The following TMEM117 variants were observed in gnomAD, a reference collection of about 807,000 sequenced individuals.
The protein encoded by TMEM117 is transmembrane protein 117.
TMEM117 carries 27 observed loss-of-function variants against 52.4 expected under a neutral mutation model. That is an observed-to-expected ratio of 0.51 (90% CI 0.38 to 0.71). The LOEUF (loss-of-function observed/expected upper bound fraction) is 0.71, where lower values mean the gene tolerates loss of function less well. Among genes scored for constraint, TMEM117 ranks in the 30% least tolerant of loss-of-function variants. The pLI, the probability that TMEM117 is intolerant of heterozygous loss-of-function variation, is 0.00. For missense variants in TMEM117, 556 were observed against 630.5 expected, an observed-to-expected ratio of 0.88 and a Z score of 1.26; for synonymous variants, 215 against 206.3, an observed-to-expected ratio of 1.04 and a Z score of -0.36.
chr12:44,128,795 C>T (rs1293990557), intron 3 of TMEM117, among the ~76,000 whole-genome samples: 1 of 152,194 alleles, frequency 6.6e-6, no homozygotes, highest in African/African-American at 2.4e-5. Flanking sequence ...ATATTGGTGG[C>T]ATGAATGCTT....
intron 4 of TMEM117, among the ~76,000 whole-genome samples, chr12:44,165,292 G>A (rs966148013): frequency 6.6e-6 from 1 of 152,144 alleles, no homozygotes; most frequent in African/African-American, 2.4e-5. Context: ...TAAGCAATGA[G>A]AGAAGGAAAG....
chr12:43,822,851 G>A, the TMEM117 span, among the ~76,000 whole-genome samples: 1 of 150,764 alleles, frequency 6.6e-6, no homozygotes, highest in African/African-American at 2.4e-5. Context: ...GCAATGAGAA[G>A]AGATTATGCC....
At chr12:44,200,812 C>A (rs1949485873) in intron 4 of TMEM117, among the ~76,000 whole-genome samples, 1 of 152,128 alleles carries the variant, frequency 6.6e-6, no homozygotes, top group Non-Finnish European at 1.5e-5. Flanking sequence ...GTGCCAGACT[C>A]TAAAAGCCCT....
intron 3 of TMEM117, among the ~76,000 whole-genome samples, chr12:44,020,340 G>A (rs1946437530): frequency 6.6e-6 from 1 of 152,162 alleles, no homozygotes; most frequent in African/African-American, 2.4e-5. Context: ...CAGTGGTTAT[G>A]CCTCTTACTA....
chr12:44,214,437 G>A (rs1315019923), intron 5 of TMEM117, among the ~76,000 whole-genome samples: 1 of 151,870 alleles, frequency 6.6e-6, no homozygotes, highest in Admixed American at 6.6e-5. Flanking sequence ...CAAAGCGCTG[G>A]GATTACAGGT....
upstream of TMEM117, among the ~76,000 whole-genome samples, chr12:43,832,200 C>T (rs1278578483): frequency 6.6e-6 from 1 of 152,158 alleles, no homozygotes; most frequent in African/African-American, 2.4e-5. Context: ...GTTAACTCTG[C>T]GTGAGTAAGC....
intron 5 of TMEM117, among the ~76,000 whole-genome samples, chr12:44,291,580 A>G (rs540737203): frequency 1.3e-5 from 2 of 152,122 alleles, no homozygotes; most frequent in South Asian, 4.1e-4. Context: ...TCCTGATCTT[A>G]AAGTAAAAGC....
At chr12:44,022,628 G>C (rs1473825649) in intron 3 of TMEM117, among the ~76,000 whole-genome samples, 1 of 152,192 alleles carries the variant, frequency 6.6e-6, no homozygotes, top group African/African-American at 2.4e-5. Context: ...TGATGTTGAG[G>C]AGGGGGTGAT....
intron 3 of TMEM117, among the ~76,000 whole-genome samples, chr12:44,125,387 G>A (rs567549564): frequency 1.6e-4 from 25 of 152,262 alleles, no homozygotes; most frequent in Middle Eastern, 3.4e-3. Flanking sequence ...GATTACAGGC[G>A]TGAGCCACTG....
chr12:43,988,968 A>T (rs1945893242), intron 3 of TMEM117, among the ~76,000 whole-genome samples: 1 of 152,084 alleles, frequency 6.6e-6, no homozygotes, highest in Non-Finnish European at 1.5e-5. Context: ...ACTACAGTTG[A>T]TAGGTAGTGA....
chr12:44,341,957 G>T (rs948237675), intron 6 of TMEM117, among the ~76,000 whole-genome samples: 13 of 152,036 alleles, frequency 8.6e-5, no homozygotes, highest in African/African-American at 2.7e-4. Context: ...AGAGCTAAGC[G>T]TATTGTCAGA....
intron 2 of TMEM117, among the ~76,000 whole-genome samples, chr12:43,859,263 C>T (rs888463401): frequency 1.3e-5 from 2 of 152,096 alleles, no homozygotes; most frequent in Non-Finnish European, 2.9e-5. Context: ...AAGTGGCAAG[C>T]GCAAAGTTGT....
intron 3 of TMEM117, among the ~76,000 whole-genome samples, chr12:44,007,374 A>G (rs1194140927): frequency 6.6e-6 from 1 of 152,108 alleles, no homozygotes; most frequent in Non-Finnish European, 1.5e-5. Context: ...CATTTCTTGC[A>G]ATATAGGTCT....
intron 5 of TMEM117, among the ~76,000 whole-genome samples, chr12:44,287,881 G>A (rs1491002981): frequency 6.6e-6 from 1 of 152,172 alleles, no homozygotes. Context: ...TGGGTGGGAT[G>A]GTATTGGGGT....
chr12:44,215,852 T>C (rs928197985), intron 5 of TMEM117, among the ~76,000 whole-genome samples: 6 of 152,052 alleles, frequency 3.9e-5, no homozygotes, highest in African/African-American at 7.2e-5. Context: ...TCCAGACACG[T>C]AAGAGGATTT....
At chr12:44,190,905 TGTAATATATATACTA>T (rs199581235) in intron 4 of TMEM117, among the ~76,000 whole-genome samples, 5 of 148,146 alleles carry the variant, frequency 3.4e-5, no homozygotes, top group East Asian at 1.9e-4. Context: ...AAAGTATATA[TGTAATATATATACTA>T]GTAATATATA....
At chr12:44,278,503 G>A (rs563774155) in intron 5 of TMEM117, among the ~76,000 whole-genome samples, 1 of 152,022 alleles carries the variant, frequency 6.6e-6, no homozygotes, top group South Asian at 2.1e-4. Context: ...TTGCTATTTA[G>A]CTGTAAGCAT....
chr12:44,211,291 T>C lies in TMEM117; in HGVS notation c.512T>C (p.Val171Ala). The C allele has an allele frequency of 1.2e-6, 2 of 1,606,470 alleles. No homozygotes were observed. The highest frequency in any genetic ancestry group is 1.7e-6 in the Non-Finnish European group (2 of 1,175,550). ...AATAAGTTCCTTTCATTGCTTCAGG[T>C]CACTGATATGATGCTTCAGGACAAA... ...WMGDFVTAWMVTDMMLQDKPY... is the reference protein window; with the variant it reads ...WMGDFVTAWMATDMMLQDKPY... Residue 171 changes from valine to alanine, a missense_variant and splice_region_variant, in exon 5 of 8, where the codon GTC (valine) becomes GCC (alanine). Val to Ala is a moderately conservative substitution (Grantham distance 64). Coordinates refer to ENST00000266534, the MANE Select transcript of TMEM117 (RefSeq NM_032256.3).
intron 3 of TMEM117, among the ~76,000 whole-genome samples, chr12:44,110,001 C>T (rs1338969346): frequency 2.1e-5 from 2 of 93,082 alleles, no homozygotes; most frequent in African/African-American, 1.1e-4. Flanking sequence ...TGATTTGGCT[C>T]TCTGTTTGTC....
Sources: allele counts gnomAD v4.1 joint callset (sites outside exome capture counted in the v4.1 genomes callset), GRCh38; gene constraint gnomAD v4.1.1; transcripts MANE v1.5; gene names NCBI Gene and HGNC (gene_info 2026-07-23, HGNC 2026-07-21).